The following PCDH9 variants were observed in gnomAD, a reference collection of about 807,000 sequenced individuals.
The protein encoded by PCDH9 is protocadherin-9.
Under a neutral mutation model 70.6 loss-of-function variants are expected in PCDH9, and 24 were observed. That is an observed-to-expected ratio of 0.34 (90% confidence interval 0.25 to 0.48). The LOEUF (loss-of-function observed/expected upper bound fraction) is 0.48, where lower values mean the gene tolerates loss of function less well. Among genes scored for constraint, PCDH9 ranks in the 20% least tolerant of loss-of-function variants. The pLI is 0.99. For synonymous variants in PCDH9, 562 were observed against 558.5 expected, an observed-to-expected ratio of 1.01 and a Z score of -0.09; for missense variants, 1,281 against 1,503.6, an observed-to-expected ratio of 0.85 and a Z score of 2.45.
chr13:66,558,694 T>C (rs570165809), intron 4 of PCDH9, among the ~76,000 whole-genome samples: 1 of 152,066 alleles, frequency 6.6e-6, no homozygotes, highest in South Asian at 2.1e-4. Flanking sequence ...GGGCAGGCGC[T>C]AACTGTAAAA....
At chr13:66,568,160 TAAG>T (rs1015289237) in intron 4 of PCDH9, among the ~76,000 whole-genome samples, 43 of 152,218 alleles carry the variant, frequency 2.8e-4, no homozygotes, top group African/African-American at 9.9e-4. Context: ...CTCCTAATCA[TAAG>T]AAGAAGAAAT....
At chr13:66,983,787 G>A (rs1166416888) in intron 2 of PCDH9, among the ~76,000 whole-genome samples, 3 of 151,800 alleles carry the variant, frequency 2.0e-5, no homozygotes, top group African/African-American at 7.3e-5. Context: ...GACCGAGGAG[G>A]TGCTAAGCCT....
chr13:67,044,363 C>A (rs1272549287), intron 2 of PCDH9, among the ~76,000 whole-genome samples: 1 of 152,130 alleles, frequency 6.6e-6, no homozygotes, highest in Non-Finnish European at 1.5e-5. Context: ...GACAAAAATT[C>A]ACATCACATT....
At chr13:67,136,601 G>T (rs530558637) in intron 2 of PCDH9, among the ~76,000 whole-genome samples, 29 of 152,200 alleles carry the variant, frequency 1.9e-4, no homozygotes, top group African/African-American at 7.0e-4. Flanking sequence ...ATATAGGCTA[G>T]CTAAACTCTA....
intron 3 of PCDH9, among the ~76,000 whole-genome samples, chr13:66,824,440 G>A (rs897411945): frequency 2.7e-5 from 4 of 148,736 alleles, no homozygotes; most frequent in Non-Finnish European, 4.5e-5. Context: ...TGAAACACCT[G>A]AGGTCAGGAG....
At chr13:66,632,226 T>C (rs986968742) in intron 3 of PCDH9, among the ~76,000 whole-genome samples, 6 of 152,200 alleles carry the variant, frequency 3.9e-5, no homozygotes, top group African/African-American at 1.2e-4. Flanking sequence ...ACCGTACCCA[T>C]GTAAGTGTCC....
At chr13:66,514,969 T>A (rs1959663304) in intron 4 of PCDH9, among the ~76,000 whole-genome samples, 1 of 152,116 alleles carries the variant, frequency 6.6e-6, no homozygotes, top group Admixed American at 6.6e-5. Context: ...CATTCTGTTT[T>A]GTAAGTACGG....
intron 2 of PCDH9, among the ~76,000 whole-genome samples, chr13:67,161,876 C>T (rs2087972390): frequency 6.6e-6 from 1 of 152,184 alleles, no homozygotes; most frequent in East Asian, 1.9e-4. Context: ...CACAACTCCT[C>T]CAAGGAATAT....
At chr13:66,439,402 T>C (rs989150565) in intron 4 of PCDH9, among the ~76,000 whole-genome samples, 3 of 152,228 alleles carry the variant, frequency 2.0e-5, no homozygotes, top group African/African-American at 7.2e-5. Context: ...TACTGTATTG[T>C]ATACTGGACA....
chr13:66,599,005 G>A (rs2138839312), intron 4 of PCDH9, among the ~76,000 whole-genome samples: 1 of 151,876 alleles, frequency 6.6e-6, no homozygotes, highest in East Asian at 1.9e-4. Flanking sequence ...ATTACTTCTA[G>A]TGAATAATTT....
At chr13:66,717,480 A>AATATATATATATATATAT (rs1169570608) in intron 3 of PCDH9, among the ~76,000 whole-genome samples, 11 of 44,426 alleles carry the variant, frequency 2.5e-4, no homozygotes, top group African/African-American at 3.5e-4. Flanking sequence ...AAAAAAAAAA[A>AATATATATATATATATAT]ATATATATAT....
chr13:66,989,759 A>T (rs1270549765), intron 2 of PCDH9, among the ~76,000 whole-genome samples: 1 of 151,928 alleles, frequency 6.6e-6, no homozygotes, highest in African/African-American at 2.4e-5. Context: ...CACTTGGTAT[A>T]GCAGCCACTT....
In PCDH9 at chr13:67,227,900, A is replaced by G. The variant is rs535471261; in HGVS notation, c.541T>C (p.Leu181=). Residue 181 remains leucine, a synonymous_variant, in exon 2 of 5, where the codon TTG becomes CTG. Coordinates refer to ENST00000377865, the MANE Select transcript of PCDH9 (RefSeq NM_203487.3). The surrounding 1 kb of genome is among the most constrained non-coding windows in gnomAD (Gnocchi z 4.6). ...TGFNGVQHYE[L]LNGQSVFGLD... Reference sequence around the variant, plus strand: ...CCAAAAACACTCTGCCCATTTAACAATTCATAATGCTGTACACCATTGAAG... The same window carrying G: ...CCAAAAACACTCTGCCCATTTAACAGTTCATAATGCTGTACACCATTGAAG... 5 of 1,614,130 alleles carry G rather than the reference A, an allele frequency of 3.1e-6. No individual in the cohort carries two copies. Among genetic ancestry groups the G allele is most frequent in the East Asian group, 4.5e-5 (2 of 44,886 alleles).
chr13:67,057,566 A>G (rs1268822348), intron 2 of PCDH9, among the ~76,000 whole-genome samples: 1 of 152,092 alleles, frequency 6.6e-6, no homozygotes, highest in Non-Finnish European at 1.5e-5. Context: ...AAAATCACCT[A>G]TATGTCACAA....
intron 4 of PCDH9, among the ~76,000 whole-genome samples, chr13:66,563,409 G>A (rs1027400637): frequency 6.6e-6 from 1 of 152,090 alleles, no homozygotes; most frequent in Non-Finnish European, 1.5e-5. Flanking sequence ...TACTACTTCA[G>A]TCAAAACCAC....
chr13:66,305,106 A>G, intron 4 of PCDH9, 78 bp from the exon 5 acceptor site: 3 of 1,231,666 alleles, frequency 2.4e-6, no homozygotes, highest in Non-Finnish European at 3.3e-6. Flanking sequence ...GAGAAAAAGT[A>G]TGTTATTAGT....
At chr13:67,158,298 C>T (rs2985924) in intron 2 of PCDH9, among the ~76,000 whole-genome samples, 4,961 of 152,288 alleles carry the variant, frequency 0.033, 265 homozygotes, top group African/African-American at 0.11. Context: ...GCTTGAATAT[C>T]TATGTGGCTT....
chr13:66,822,745 A>G (rs1594105444), intron 3 of PCDH9, among the ~76,000 whole-genome samples: 2 of 152,076 alleles, frequency 1.3e-5, no homozygotes, highest in African/African-American at 4.8e-5. Context: ...CCTGACCTAA[A>G]GTGATCCGCC....
At chr13:66,689,501 GA>G (rs911621594) in intron 3 of PCDH9, among the ~76,000 whole-genome samples, 2 of 151,974 alleles carry the variant, frequency 1.3e-5, no homozygotes, top group East Asian at 1.9e-4. Context: ...TTTTTTTCAG[GA>G]AAAAAATTAA....
Sources: allele counts gnomAD v4.1 joint callset (sites outside exome capture counted in the v4.1 genomes callset), GRCh38; gene constraint gnomAD v4.1.1; non-coding constraint Gnocchi (gnomAD v3.1); transcripts MANE v1.5; gene names NCBI Gene and HGNC (gene_info 2026-07-23, HGNC 2026-07-21).